MIB1: variants seen among roughly 807,000 people sequenced by gnomAD.
MIB1 encodes the protein E3 ubiquitin-protein ligase MIB1.
In MIB1, 278 loss-of-function variants were observed where a neutral mutation model predicts 124.5. The observed-to-expected ratio is 2.23, with a 90% CI of 2.02 to 2.47. The LOEUF is 2.47. Among genes scored for constraint, MIB1 ranks in the 30% most tolerant of loss-of-function variants. The pLI, the probability that MIB1 is intolerant of heterozygous loss-of-function variation, is 0.00. For missense variants in MIB1, 957 were observed against 1,254.4 expected, an observed-to-expected ratio of 0.76 and a Z score of 3.58; for synonymous variants, 446 against 429.4, an observed-to-expected ratio of 1.04 and a Z score of -0.48.
At chr18:21,773,524 C>G in intron 3 of MIB1, 100 bp from the exon 4 acceptor site, 1 of 728,604 alleles carries the variant, frequency 1.4e-6, no homozygotes, top group Non-Finnish European at 2.3e-6. Context: ...ACACAGGTTG[C>G]TAGATGAAAT....
chr18:21,748,344 T>A (rs929413402), intron 1 of MIB1, among the ~76,000 whole-genome samples: 1 of 148,050 alleles, frequency 6.8e-6, no homozygotes, highest in African/African-American at 2.5e-5. Context: ...GCTTTGCTTT[T>A]CTTCCTCTCT....
intron 18 of MIB1, among the ~76,000 whole-genome samples, chr18:21,856,792 A>C (rs1348720136): frequency 6.6e-6 from 1 of 152,258 alleles, no homozygotes; most frequent in Non-Finnish European, 1.5e-5. Flanking sequence ...ATTAGTTGAC[A>C]TTTGTCAATA....
intron 1 of MIB1, among the ~76,000 whole-genome samples, chr18:21,753,344 A>G (rs2040996239): frequency 2.0e-5 from 3 of 151,902 alleles, no homozygotes; most frequent in Admixed American, 1.3e-4. Flanking sequence ...GCCTGCCACT[A>G]CACCTGGCTT....
At chr18:21,815,872 C>A in intron 11 of MIB1, 59 bp downstream of exon 11, 2 of 1,447,150 alleles carry the variant, frequency 1.4e-6, no homozygotes, top group Non-Finnish European at 9.7e-7. Flanking sequence ...TAAAGGGAAA[C>A]ATTAAGTTCT....
chr18:21,742,334 A>G (rs1269643223), intron 1 of MIB1, among the ~76,000 whole-genome samples: 1 of 151,310 alleles, frequency 6.6e-6, no homozygotes, highest in Non-Finnish European at 1.5e-5. Flanking sequence ...TTCAGTAGCC[A>G]AATGTTACTT....
chr18:21,839,280 A>G (rs1723714076), intron 13 of MIB1, among the ~76,000 whole-genome samples: 2 of 152,158 alleles, frequency 1.3e-5, no homozygotes, highest in Non-Finnish European at 1.5e-5. Context: ...TCAAAAGTTA[A>G]GCCACCTCCC....
chr18:21,772,576 G>A (rs1208049492), intron 3 of MIB1, among the ~76,000 whole-genome samples: 1 of 152,096 alleles, frequency 6.6e-6, no homozygotes, highest in East Asian at 1.9e-4. Flanking sequence ...TTCAAAATCT[G>A]AAAAAATTTG....
chr18:21,856,446 A>G (rs1448323558), intron 18 of MIB1, among the ~76,000 whole-genome samples: 2 of 152,236 alleles, frequency 1.3e-5, no homozygotes, highest in African/African-American at 4.8e-5. Context: ...GTAATCACTA[A>G]GCAATTTCCT....
At position 21,866,921 on chromosome 18, in the gene MIB1, T is replaced by G. The variant is rs1225339756; in HGVS notation, c.*2255T>G. The G allele has an allele frequency of 1.3e-5, 2 of 152,604 alleles. No individual in the cohort carries two copies. Among genetic ancestry groups the G allele is most frequent in the Non-Finnish European group, 2.9e-5 (2 of 68,030 alleles). 9.5% of individuals were successfully genotyped at this position (152,604 alleles called of 1,614,324 possible). A position where few individuals can be genotyped will look rare whatever the true frequency, so the allele number is the denominator to read the frequency against. On this transcript the variant is annotated 3_prime_UTR_variant, in exon 21 of 21. Transcript: ENST00000261537. ...AAATTTATTTTGGGTTTGTGAGAGATAATAAGATTAAGAACTTCATCATTT... is the reference window on the plus strand; with the variant it reads ...AAATTTATTTTGGGTTTGTGAGAGAGAATAAGATTAAGAACTTCATCATTT...
At chr18:21,771,410 A>G (rs2041222658) in intron 3 of MIB1, among the ~76,000 whole-genome samples, 1 of 152,264 alleles carries the variant, frequency 6.6e-6, no homozygotes, top group African/African-American at 2.4e-5. Context: ...CAGACTTAAT[A>G]TAGCATCACA....
At chr18:21,753,303 C>T (rs1314231705) in intron 1 of MIB1, among the ~76,000 whole-genome samples, 1 of 151,936 alleles carries the variant, frequency 6.6e-6, no homozygotes, top group Admixed American at 6.6e-5. Flanking sequence ...ATTCTCCTGC[C>T]GCAGCCTCCT....
chr18:21,861,267 CTAATACATCTAATA>C (rs889110203), intron 20 of MIB1, among the ~76,000 whole-genome samples: 4 of 152,042 alleles, frequency 2.6e-5, no homozygotes, highest in Admixed American at 6.5e-5. Context: ...TTTAATATAT[CTAATACATCTAATA>C]TAATACATCT....
intron 10 of MIB1, among the ~76,000 whole-genome samples, chr18:21,811,330 A>G (rs765694188): frequency 1.4e-4 from 22 of 152,190 alleles, no homozygotes; most frequent in Admixed American, 2.6e-4. Context: ...AAGATTTAAA[A>G]TTGAATTACA....
Position 21,773,535 on chromosome 18 carries a change from G to T in MIB1, c.532-89G>T, listed in dbSNP as rs1007857390. ...TGTTACACAGGTTGCTAGATGAAAT[G>T]ATTTTTAAGATTTAAATGTAATAAT... On this transcript the variant is annotated intron_variant, in intron 3 of 20. Transcript: ENST00000261537. The T allele has an allele frequency of 9.7e-6, 8 of 824,926 alleles. No homozygotes were observed. The African/African-American group carries it at 1.4e-4, about 15-fold the overall frequency. The allele number at this position is 824,926 out of a possible 1,614,324, so 51.1% of individuals were successfully genotyped here.
intron 1 of MIB1, among the ~76,000 whole-genome samples, chr18:21,729,236 C>G (rs2040756803): frequency 6.6e-6 from 1 of 152,186 alleles, no homozygotes; most frequent in South Asian, 2.1e-4. Flanking sequence ...CTCAACAAAT[C>G]TGGGCTTGGT....
intron 1 of MIB1, among the ~76,000 whole-genome samples, chr18:21,757,478 A>AG (rs2041046874): frequency 6.9e-6 from 1 of 145,930 alleles, no homozygotes; most frequent in African/African-American, 2.5e-5. Flanking sequence ...AAAAAAAAAA[A>AG]AAGACAGTCT....
chr18:21,705,592 C>A (rs559208085), intron 1 of MIB1, among the ~76,000 whole-genome samples: 13 of 152,206 alleles, frequency 8.5e-5, no homozygotes, highest in Admixed American at 3.3e-4. Flanking sequence ...GAACTCCTTC[C>A]TCAGAGAGGT....
intron 20 of MIB1, among the ~76,000 whole-genome samples, chr18:21,863,968 T>C (rs2042298671): frequency 6.6e-6 from 1 of 151,756 alleles, no homozygotes; most frequent in Non-Finnish European, 1.5e-5. Context: ...ATTGCGCCAC[T>C]GCACTCCAGC....
chr18:21,819,367 A>G (rs2041859174), intron 11 of MIB1, 128 bp from the exon 12 acceptor site: 2 of 588,746 alleles, frequency 3.4e-6, no homozygotes, highest in African/African-American at 1.9e-5. Context: ...GTTATCACAG[A>G]AAGTGCTCTT....
Sources: gnomAD v4.1 joint callset for allele counts (sites outside exome capture counted in the v4.1 genomes callset) on GRCh38, gnomAD v4.1.1 for gene constraint, MANE v1.5 for transcripts, NCBI Gene and HGNC (gene_info 2026-07-23, HGNC 2026-07-21) for gene names.